GEN1: variants seen among roughly 807,000 people sequenced by gnomAD.
The protein encoded by GEN1 is GEN1 structure-specific endonuclease, also known as flap endonuclease GEN homolog 1.
In GEN1, 64 loss-of-function variants were observed where a neutral mutation model predicts 67.6. The observed-to-expected ratio is 0.95, with a 90% CI of 0.77 to 1.17. The LOEUF is 1.17. GEN1 is among the 50% of genes most tolerant of loss of function. The pLI, the probability that GEN1 is intolerant of heterozygous loss-of-function variation, is 0.00. For synonymous variants in GEN1, 371 were observed against 359.4 expected, an observed-to-expected ratio of 1.03 and a Z score of -0.37; for missense variants, 1,058 against 1,048.3, an observed-to-expected ratio of 1.01 and a Z score of -0.13.
Position 17,781,887 on chromosome 2 carries a change from A to T in GEN1, c.2675A>T (p.Asp892Val). 6.3e-7 allele frequency: 1 copy of T among 1,588,726 alleles called. No individual in the cohort carries two copies. The highest frequency in any genetic ancestry group is 8.5e-7 in the Non-Finnish European group (1 of 1,172,920). Residue 892 changes from aspartate (D) to valine (V), a missense_variant, in exon 14 of 14, where the codon GAT (aspartate) becomes GTT (valine). Coordinates refer to ENST00000381254, the MANE Select transcript of GEN1 (RefSeq NM_001130009.3). ...KKENNSGTCL[D>V]SPLPLRQRLK... ...GAAAACAACTCTGGTACTTGTTTGGATAGCCCTCTTCCTTTACGCCAGAGA... is the reference window on the plus strand; with the variant it reads ...GAAAACAACTCTGGTACTTGTTTGGTTAGCCCTCTTCCTTTACGCCAGAGA...
At chr2:17,778,604 A>G (rs1240310525) in intron 12 of GEN1, among the ~76,000 whole-genome samples, 1 of 152,076 alleles carries the variant, frequency 6.6e-6, no homozygotes, top group African/African-American at 2.4e-5. Context: ...TTTTATTTTA[A>G]TGTCTCAATT....
chr2:17,761,362 G>A, intron 2 of GEN1, 34 bp from the exon 3 acceptor site: 1 of 1,188,752 alleles, frequency 8.4e-7, no homozygotes, highest in Admixed American at 2.0e-5. Flanking sequence ...ATCAGTGTTT[G>A]ATGATTAATG....
intron 12 of GEN1, among the ~76,000 whole-genome samples, chr2:17,779,598 A>G (rs1199902981): frequency 6.6e-6 from 1 of 152,046 alleles, no homozygotes; most frequent in Admixed American, 6.6e-5. Context: ...GTTACCTGGA[A>G]AGATTGATTT....
intron 3 of GEN1, among the ~76,000 whole-genome samples, chr2:17,763,224 GT>G (rs541423005): frequency 7.9e-4 from 120 of 152,068 alleles, no homozygotes; most frequent in Non-Finnish European, 1.5e-3. Context: ...TTTAAAAATA[GT>G]TTTCAATTAG....
chr2:17,776,342 T>A (rs936186054), intron 11 of GEN1, among the ~76,000 whole-genome samples: 35 of 152,156 alleles, frequency 2.3e-4, no homozygotes, highest in African/African-American at 9.7e-5. Context: ...ACCTTTTTTT[T>A]AGGACAATTG....
chr2:17,757,818 G>A (rs2125116263), intron 1 of GEN1, among the ~76,000 whole-genome samples: 1 of 152,138 alleles, frequency 6.6e-6, no homozygotes, highest in East Asian at 1.9e-4. Context: ...AAAGATTTCT[G>A]GTTTATTTCT....
intron 6 of GEN1, among the ~76,000 whole-genome samples, chr2:17,770,516 C>A (rs1391724533): frequency 1.2e-4 from 18 of 152,084 alleles, no homozygotes; most frequent in Non-Finnish European, 1.5e-5. Context: ...TAATTCAGAA[C>A]ACATACGTTT....
In GEN1 at chr2:17,771,217, A is replaced by G. The variant is rs1672174287; in HGVS notation, c.732A>G (p.Thr244=). Residue 244 remains threonine, a synonymous_variant, in exon 7 of 14, where the codon ACA becomes ACG. Coordinates refer to ENST00000381254, the MANE Select transcript of GEN1 (RefSeq NM_001130009.3). ...LLQRFNRWNE[T]SCNSSPQLLV... ...AAAGGTTTAATCGGTGGAATGAAAC[A>G]TCTTGTAACTCTAGTCCACAACTGC... is the stretch of plus-strand genomic sequence containing the variant. 1 of 1,611,284 alleles carries G rather than the reference A, an allele frequency of 6.2e-7. No individual in the cohort carries two copies. The highest frequency in any genetic ancestry group is 8.5e-7 in the Non-Finnish European group (1 of 1,177,738).
Position 17,773,247 on chromosome 2 carries a change from A to T in GEN1, c.1019A>T (p.Asp340Val). Residue 340 changes from aspartate to valine, a missense_variant, in exon 10 of 14, where the codon GAT (aspartate) becomes GTT (valine). By Grantham distance (152) the Asp-to-Val change is radical. Coordinates refer to ENST00000381254, the MANE Select transcript of GEN1 (RefSeq NM_001130009.3). ...ATTCAAGAATTCCTTTTAAACAAGG[A>T]TAAATTGGTGAAGGTTATCAGGTAC... ...EVIQEFLLNK[D>V]KLVKVIRYQR... 1.2e-6 allele frequency: 2 copies of T among 1,602,568 alleles called. No homozygotes were observed. The highest frequency in any genetic ancestry group is 1.7e-6 in the Non-Finnish European group (2 of 1,172,852).
intron 5 of GEN1, 105 bp downstream of exon 5, chr2:17,766,794 T>G (rs1167796875): frequency 1.4e-5 from 8 of 589,032 alleles, no homozygotes; most frequent in Non-Finnish European, 1.5e-5. Flanking sequence ...AAAAATCGAA[T>G]TTAAAATATA....
At chr2:17,773,050 A>G (rs1672266846) in intron 8 of GEN1, 46 bp from the exon 9 acceptor site, 7 of 1,262,662 alleles carry the variant, frequency 5.5e-6, no homozygotes, top group Non-Finnish European at 8.0e-6. Flanking sequence ...TCAGAGTCTA[A>G]AATTGTCTGA....
In GEN1 at chr2:17,771,455, A is replaced by G. The variant is rs986665163; in HGVS notation, c.802+168A>G. On this transcript the variant is annotated intron_variant, in intron 7 of 13. Transcript: ENST00000381254. Reference sequence around the variant, plus strand: ...GTCAGTTTTGTTATATACACATAGTAGTCACTCAGTAAATGTTTATTGAAA... The same window carrying G: ...GTCAGTTTTGTTATATACACATAGTGGTCACTCAGTAAATGTTTATTGAAA... Among the ~76,000 whole-genome samples, 11 of 152,316 alleles carry G rather than the reference A, an allele frequency of 7.2e-5. No homozygotes were observed. The South Asian group carries it at 1.0e-3, about 14-fold the overall frequency.
chr2:17,777,952 T>C, intron 11 of GEN1, 50 bp from the exon 12 acceptor site: 1 of 1,083,216 alleles, frequency 9.2e-7, no homozygotes, highest in Non-Finnish European at 1.4e-6. Context: ...AATGGAAAAT[T>C]TCCAAATATC....
At chr2:17,766,287 C>A (rs1418046726) in intron 4 of GEN1, among the ~76,000 whole-genome samples, 4 of 152,160 alleles carry the variant, frequency 2.6e-5, no homozygotes, top group Admixed American at 2.6e-4. Flanking sequence ...TGTGCCTCAG[C>A]CTCCCAAGTA....
chr2:17,777,450 C>T (rs1163961428), intron 11 of GEN1, among the ~76,000 whole-genome samples: 1 of 151,896 alleles, frequency 6.6e-6, no homozygotes, highest in Non-Finnish European at 1.5e-5. Flanking sequence ...AACTATCAAA[C>T]CAAAATAATA....
chr2:17,760,781 G>A (rs1422452677), intron 2 of GEN1, among the ~76,000 whole-genome samples: 2 of 151,942 alleles, frequency 1.3e-5, no homozygotes, highest in African/African-American at 4.8e-5. Context: ...AATTAGCTGG[G>A]TGTGGTGGCA....
chr2:17,769,741 A>G (rs1224996910), intron 6 of GEN1, among the ~76,000 whole-genome samples: 1 of 152,206 alleles, frequency 6.6e-6, no homozygotes, highest in Non-Finnish European at 1.5e-5. Flanking sequence ...TTAACAAACT[A>G]TGCTATTTAC....
At chr2:17,760,921 C>CAAA (rs763646870) in intron 2 of GEN1, among the ~76,000 whole-genome samples, 7 of 89,632 alleles carry the variant, frequency 7.8e-5, no homozygotes, top group African/African-American at 3.0e-4. Flanking sequence ...GACTCCACCT[C>CAAA]AAAAAAAAAA....
At chr2:17,766,026 A>C (rs1216796766) in intron 4 of GEN1, among the ~76,000 whole-genome samples, 6 of 151,994 alleles carry the variant, frequency 3.9e-5, no homozygotes, top group Non-Finnish European at 8.8e-5. Flanking sequence ...AGAAAGCAAT[A>C]AAATGGAAAA....
Sources: allele counts gnomAD v4.1 joint callset (sites outside exome capture counted in the v4.1 genomes callset), GRCh38; gene constraint gnomAD v4.1.1; transcripts MANE v1.5; gene names NCBI Gene and HGNC (gene_info 2026-07-23, HGNC 2026-07-21).